Variants in AGK observed in about 807,000 individuals in gnomAD.
AGK encodes the protein acylglycerol kinase, mitochondrial.
Under a neutral mutation model 66.4 loss-of-function variants are expected in AGK, and 52 were observed. The ratio of observed to expected loss-of-function variants is 0.78; its 90% CI spans 0.63 to 0.99. The LOEUF (loss-of-function observed/expected upper bound fraction) is 0.99. AGK is among the 50% of genes least tolerant of loss of function. AGK has a pLI of 0.00. For missense variants in AGK, 451 were observed against 506.6 expected, an observed-to-expected ratio of 0.89 and a Z score of 1.05; for synonymous variants, 182 against 181.1, an observed-to-expected ratio of 1.00 and a Z score of -0.04.
chr7:141,592,696 TTTTG>T (rs1172888817), intron 2 of AGK, among the ~76,000 whole-genome samples: 25 of 151,918 alleles, frequency 1.6e-4, no homozygotes, highest in African/African-American at 6.0e-4. Context: ...ATCAGGTTTT[TTTTG>T]TTTTTTTGTT....
chr7:141,597,824 G>A (rs552152020), intron 4 of AGK, among the ~76,000 whole-genome samples: 13 of 145,942 alleles, frequency 8.9e-5, no homozygotes, highest in South Asian at 2.2e-4. Flanking sequence ...CCAGGAGGTC[G>A]AGGCTGTAGT....
At chr7:141,633,048 T>C (rs1797092507) in intron 9 of AGK, among the ~76,000 whole-genome samples, 1 of 152,206 alleles carries the variant, frequency 6.6e-6, no homozygotes, top group Non-Finnish European at 1.5e-5. Context: ...CAGTTCCTAC[T>C]CTTCTCCTTG....
chr7:141,597,645 C>G (rs2116928873), intron 4 of AGK, among the ~76,000 whole-genome samples: 1 of 151,742 alleles, frequency 6.6e-6, no homozygotes, highest in Non-Finnish European at 1.5e-5. Context: ...CTGAGGTGGG[C>G]AGATCACTTG....
At chr7:141,632,186 G>C (rs990536454) in intron 9 of AGK, among the ~76,000 whole-genome samples, 1 of 150,836 alleles carries the variant, frequency 6.6e-6, no homozygotes, top group Non-Finnish European at 1.5e-5. Flanking sequence ...AGCCGAGATC[G>C]TGCCACTGCA....
At chr7:141,583,663 C>T (rs900065015) in intron 2 of AGK, among the ~76,000 whole-genome samples, 3 of 151,944 alleles carry the variant, frequency 2.0e-5, no homozygotes, top group African/African-American at 7.3e-5. Context: ...AATAATCAAG[C>T]AGGCATCCCC....
chr7:141,616,805 C>G (rs28439932), intron 8 of AGK, among the ~76,000 whole-genome samples: 1,909 of 148,988 alleles, frequency 0.013, 43 homozygotes, highest in African/African-American at 0.045. Flanking sequence ...GTAGCCCAGG[C>G]TGGAGTGCAG....
chr7:141,616,053 A>C (rs1796695320), intron 8 of AGK: 1 of 152,698 alleles, frequency 6.5e-6, no homozygotes, highest in Non-Finnish European at 1.5e-5. Context: ...TAGACAAAGT[A>C]GACTGGGAAA....
Position 141,555,541 on chromosome 7 carries a change from A to T in AGK, c.75A>T (p.Gly25=). 1 of 1,613,972 alleles carries T rather than the reference A, an allele frequency of 6.2e-7. No individual in the cohort carries two copies. Among genetic ancestry groups the T allele is most frequent in the Non-Finnish European group, 8.5e-7 (1 of 1,179,926 alleles). Residue 25 remains glycine (G), a synonymous_variant, in exon 2 of 16, where the codon GGA becomes GGT. Transcript: ENST00000649286. This position sits in a 1 kb window ranked among gnomAD's most constrained non-coding sequence, Gnocchi z 4.2. ...TTAGLCLLTW[G]GHWLYGKHCD... is the part of the protein sequence containing the mutation. ...CTGGGCTCTGCCTGCTGACCTGGGG[A>T]GGCCATTGGCTCTATGGAAAACACT... is the stretch of plus-strand genomic sequence containing the variant.
At chr7:141,628,253 A>G (rs1271378864) in intron 9 of AGK, among the ~76,000 whole-genome samples, 1 of 152,190 alleles carries the variant, frequency 6.6e-6, no homozygotes, top group Admixed American at 6.5e-5. Flanking sequence ...GAATTGATGA[A>G]ACCAGTATCA....
intron 9 of AGK, among the ~76,000 whole-genome samples, chr7:141,632,930 G>A (rs17520514): frequency 0.37 from 57,008 of 152,076 alleles, 11,594 homozygotes; most frequent in East Asian, 0.54. Flanking sequence ...TGCTTTTGGC[G>A]TAGTGGAAAC....
Position 141,653,106 on chromosome 7 carries a change from A to T in AGK, c.*182A>T. 1 of 623,720 alleles carries T rather than the reference A, an allele frequency of 1.6e-6. No individual in the cohort carries two copies. The allele number at this position is 623,720 out of a possible 1,614,324, so 38.6% of individuals were successfully genotyped here. A position where few individuals can be genotyped will look rare whatever the true frequency, so the allele number is the denominator to read the frequency against. On this transcript the variant is annotated 3_prime_UTR_variant, in exon 16 of 16. Coordinates refer to ENST00000649286, the MANE Select transcript of AGK (RefSeq NM_018238.4). Reference sequence around the variant, plus strand: ...AGTGTGCTCTGTCACCTGCTTTGCAATCGGCTTCCATTAGCGCATGTTTTA... The same window carrying T: ...AGTGTGCTCTGTCACCTGCTTTGCATTCGGCTTCCATTAGCGCATGTTTTA...
rs1264836512 is a variant in AGK, at chr7:141,555,567, G to A, written c.101G>A (p.Cys34Tyr). ...WGGHWLYGKH[C>Y]DNLLRRAACQ... ...GGCCATTGGCTCTATGGAAAACACT[G>A]GTAACTATCTGACAGCCCCATCCCA... is the stretch of plus-strand genomic sequence containing the variant. The change falls in exon 2 of 16, where the codon TGT (cysteine) becomes TAT (tyrosine). Residue 34 changes from cysteine to tyrosine, a missense_variant and splice_region_variant. Coordinates refer to ENST00000649286, the MANE Select transcript of AGK (RefSeq NM_018238.4). The surrounding 1 kb of genome is among the most constrained non-coding windows in gnomAD (Gnocchi z 4.2). 6.2e-7 allele frequency: 1 copy of A among 1,610,734 alleles called. No individual in the cohort carries two copies. The highest frequency in any genetic ancestry group is 1.7e-5 in the Admixed American group (1 of 59,748).
At chr7:141,570,765 A>G (rs1030142927) in intron 2 of AGK, among the ~76,000 whole-genome samples, 4 of 151,914 alleles carry the variant, frequency 2.6e-5, no homozygotes, top group Non-Finnish European at 5.9e-5. Flanking sequence ...ATTATCATGA[A>G]CTTGAAAAAA....
chr7:141,637,605 G>C (rs1234822630), intron 11 of AGK, among the ~76,000 whole-genome samples: 2 of 152,120 alleles, frequency 1.3e-5, no homozygotes, highest in African/African-American at 4.8e-5. Flanking sequence ...AATGCTAATA[G>C]AAAAGTCATC....
chr7:141,653,133 T>G lies in AGK; in HGVS notation c.*209T>G, dbSNP rs911705353. The G allele has an allele frequency of 3.1e-5, 17 of 556,270 alleles. No individual in the cohort carries two copies. Among genetic ancestry groups the G allele is most frequent in the Non-Finnish European group, 4.7e-5 (15 of 316,248 alleles). The allele number at this position is 556,270 out of a possible 1,614,324, so 34.5% of individuals were successfully genotyped here. On this transcript the variant is annotated 3_prime_UTR_variant, in exon 16 of 16. Coordinates refer to ENST00000649286, the MANE Select transcript of AGK (RefSeq NM_018238.4). Reference sequence around the variant, plus strand: ...CGGCTTCCATTAGCGCATGTTTTATTTTGGTGTGACGGTTGGCCCTCCTAA... The same window carrying G: ...CGGCTTCCATTAGCGCATGTTTTATGTTGGTGTGACGGTTGGCCCTCCTAA...
intron 14 of AGK, chr7:141,650,810 A>G (rs901802987): frequency 1.1e-5 from 4 of 367,816 alleles, no homozygotes; most frequent in African/African-American, 8.8e-5. Flanking sequence ...CAAAATCCAC[A>G]GGTTGTCAAG....
chr7:141,564,832 C>T (rs1273836036), intron 2 of AGK, among the ~76,000 whole-genome samples: 3 of 152,026 alleles, frequency 2.0e-5, no homozygotes, highest in Admixed American at 1.3e-4. Context: ...TGGGTTCAAG[C>T]GATTCTCCTG....
At chr7:141,651,729 C>A in intron 15 of AGK, 120 bp downstream of exon 15, 2 of 944,518 alleles carry the variant, frequency 2.1e-6, no homozygotes, top group Non-Finnish European at 3.4e-6. Context: ...ATATTGTGTG[C>A]CAAGCATTTT....
Position 141,593,440 on chromosome 7 carries a change from G to T in AGK, c.141+255G>T. 3 of 698,948 alleles carry T rather than the reference G, an allele frequency of 4.3e-6. 1 individual carries two copies. In the South Asian group the frequency reaches 4.5e-5, roughly 10 times the overall value. The allele number at this position is 698,948 out of a possible 1,614,324, so 43.3% of individuals were successfully genotyped here. A position where few individuals can be genotyped will look rare whatever the true frequency, so the allele number is the denominator to read the frequency against. Reference sequence around the variant, plus strand: ...GATTGGTCCCAAGAACACAGAACTGGACTGGTAGAAGCTCTGGGAATTTGT... The same window carrying T: ...GATTGGTCCCAAGAACACAGAACTGTACTGGTAGAAGCTCTGGGAATTTGT... On this transcript the variant is annotated intron_variant, in intron 3 of 15. Transcript: ENST00000649286.
Sources: gnomAD v4.1 joint callset for allele counts (sites outside exome capture counted in the v4.1 genomes callset) on GRCh38, gnomAD v4.1.1 for gene constraint, Gnocchi (gnomAD v3.1) non-coding constraint, MANE v1.5 for transcripts, NCBI Gene and HGNC (gene_info 2026-07-23, HGNC 2026-07-21) for gene names.